The following GALNT13 variants were observed in gnomAD, a reference collection of about 807,000 sequenced individuals.
GALNT13 encodes the protein polypeptide N-acetylgalactosaminyltransferase 13, also known as UDP-GalNAc:polypeptide N-acetylgalactosaminyltransferase 13.
A neutral mutation model predicts 64.2 loss-of-function variants in GALNT13; 28 were observed. That is an observed-to-expected ratio of 0.44 (90% confidence interval 0.32 to 0.60). The LOEUF (loss-of-function observed/expected upper bound fraction) is 0.60, where lower values mean the gene tolerates loss of function less well. GALNT13 is among the 20% of genes least tolerant of loss of function. The probability of loss-of-function intolerance (pLI) is 0.05; values close to 1 mark genes in which losing one functional copy is unlikely to be tolerated. For missense variants in GALNT13, 577 were observed against 669.8 expected (o/e 0.86, Z 1.53); for synonymous variants, 214 against 224.6 (o/e 0.95, Z 0.42).
chr2:153,602,189 G>A, the GALNT13 span, among the ~76,000 whole-genome samples: 2 of 151,814 alleles, frequency 1.3e-5, no homozygotes, highest in African/African-American at 4.8e-5. Context: ...TATGTTTCCA[G>A]TCTTAGATAT....
intron 8 of GALNT13, among the ~76,000 whole-genome samples, chr2:154,294,992 G>A (rs1692835453): frequency 6.6e-6 from 1 of 152,116 alleles, no homozygotes; most frequent in Admixed American, 6.5e-5. Context: ...GACATATTTT[G>A]GAGTATTATG....
At chr2:153,892,824 G>A (rs779553323) in intron 1 of GALNT13, among the ~76,000 whole-genome samples, 1 of 151,750 alleles carries the variant, frequency 6.6e-6, no homozygotes, top group Non-Finnish European at 1.5e-5. Flanking sequence ...GATTCGACAT[G>A]TGAACCCTAA....
At chr2:154,282,024 G>A (rs539430164) in intron 8 of GALNT13, among the ~76,000 whole-genome samples, 1 of 152,242 alleles carries the variant, frequency 6.6e-6, no homozygotes, top group Non-Finnish European at 1.5e-5. Flanking sequence ...AAGACAGAAA[G>A]TACTTGATAA....
chr2:154,157,938 C>G (rs1684517539), intron 4 of GALNT13, among the ~76,000 whole-genome samples: 1 of 152,008 alleles, frequency 6.6e-6, no homozygotes, highest in Non-Finnish European at 1.5e-5. Flanking sequence ...TCTGGTGATT[C>G]CTTCCCTTCA....
At chr2:154,329,104 G>A (rs752634841) in intron 9 of GALNT13, among the ~76,000 whole-genome samples, 13 of 151,902 alleles carry the variant, frequency 8.6e-5, no homozygotes, top group Non-Finnish European at 1.6e-4. Context: ...TTTGCAATTT[G>A]GTTCCTTTTT....
chr2:153,781,438 G>A, the GALNT13 span, among the ~76,000 whole-genome samples: 13,085 of 152,034 alleles, frequency 0.086, 618 homozygotes, highest in Middle Eastern at 0.13. Flanking sequence ...CACATCTGTC[G>A]AGAATTGATT....
At chr2:154,368,763 G>A (rs1439068788) in intron 9 of GALNT13, among the ~76,000 whole-genome samples, 1 of 152,118 alleles carries the variant, frequency 6.6e-6, no homozygotes, top group Non-Finnish European at 1.5e-5. Context: ...GAAACTCTCG[G>A]TAAATGTTGG....
the GALNT13 span, among the ~76,000 whole-genome samples, chr2:153,301,050 C>T: frequency 3.9e-4 from 59 of 151,924 alleles, no homozygotes; most frequent in South Asian, 2.1e-3. Context: ...CAAAAAGATA[C>T]AAAAATTAGC....
the GALNT13 span, among the ~76,000 whole-genome samples, chr2:153,560,883 C>T: frequency 6.6e-6 from 1 of 152,002 alleles, no homozygotes; most frequent in African/African-American, 2.4e-5. Context: ...GAATTAATTA[C>T]ATTTACAAAA....
upstream of GALNT13, among the ~76,000 whole-genome samples, chr2:153,866,946 T>G (rs573609962): frequency 6.6e-6 from 1 of 152,332 alleles, no homozygotes. Context: ...TCATCTCTAC[T>G]TTTCTTTCAT....
chr2:153,152,580 A>C, the GALNT13 span, among the ~76,000 whole-genome samples: 13 of 151,798 alleles, frequency 8.6e-5, no homozygotes, highest in South Asian at 2.1e-4. Context: ...TCCACCCTCC[A>C]AAAGGTCCTA....
At chr2:153,094,992 A>T in the GALNT13 span, among the ~76,000 whole-genome samples, 27 of 152,106 alleles carry the variant, frequency 1.8e-4, no homozygotes, top group Admixed American at 3.9e-4. Flanking sequence ...GGACTTCATG[A>T]CTAAAACACC....
chr2:154,165,923 A>G (rs1473308336), intron 4 of GALNT13, among the ~76,000 whole-genome samples: 3 of 152,218 alleles, frequency 2.0e-5, no homozygotes, highest in African/African-American at 7.2e-5. Flanking sequence ...TATTGAACAG[A>G]GTCACTTTTT....
chr2:153,354,026 C>T, the GALNT13 span, among the ~76,000 whole-genome samples: 1 of 152,018 alleles, frequency 6.6e-6, no homozygotes, highest in Non-Finnish European at 1.5e-5. Flanking sequence ...TCATCTGGGC[C>T]TGGTACTTTC....
At chr2:153,732,997 A>G in the GALNT13 span, among the ~76,000 whole-genome samples, 1 of 152,118 alleles carries the variant, frequency 6.6e-6, no homozygotes, top group African/African-American at 2.4e-5. Context: ...GAGTTGAAAT[A>G]GCCATATTGC....
chr2:154,084,165 T>G (rs1701414639), intron 3 of GALNT13, among the ~76,000 whole-genome samples: 1 of 151,916 alleles, frequency 6.6e-6, no homozygotes, highest in African/African-American at 2.4e-5. Flanking sequence ...TTATTTCAAC[T>G]ATAAATTTCA....
the GALNT13 span, among the ~76,000 whole-genome samples, chr2:153,255,155 G>A: frequency 6.6e-6 from 1 of 151,210 alleles, no homozygotes; most frequent in Non-Finnish European, 1.5e-5. Flanking sequence ...GGGTGCTCCT[G>A]TATTGGGTGC....
the GALNT13 span, among the ~76,000 whole-genome samples, chr2:153,123,982 A>G: frequency 3.3e-5 from 5 of 152,148 alleles, no homozygotes; most frequent in Admixed American, 6.6e-5. Context: ...TGCTAAGATG[A>G]GGTTATAAAA....
chr2:153,157,342 C>T, the GALNT13 span, among the ~76,000 whole-genome samples: 1 of 152,184 alleles, frequency 6.6e-6, no homozygotes, highest in Admixed American at 6.6e-5. Context: ...TTTTTGGCAG[C>T]TATTGCTGCA....
Sources: allele counts gnomAD v4.1 joint callset (sites outside exome capture counted in the v4.1 genomes callset), GRCh38; gene constraint gnomAD v4.1.1; transcripts MANE v1.5; gene names NCBI Gene and HGNC (gene_info 2026-07-23, HGNC 2026-07-21).